Variants in ABCG1 observed in about 807,000 individuals in gnomAD.
ABCG1 encodes the protein ATP-binding cassette sub-family G member 1.
Under a neutral mutation model 69.2 loss-of-function variants are expected in ABCG1, and 29 were observed. The observed-to-expected ratio is 0.42, with a 90% CI of 0.31 to 0.57. The LOEUF is 0.57. Among genes scored for constraint, ABCG1 ranks in the 20% least tolerant of loss-of-function variants. The probability of loss-of-function intolerance (pLI) is 0.15; values close to 1 mark genes in which losing one functional copy is unlikely to be tolerated. For synonymous variants in ABCG1, 370 were observed against 374.8 expected, an observed-to-expected ratio of 0.99 and a Z score of 0.15; for missense variants, 718 against 898.1, an observed-to-expected ratio of 0.80 and a Z score of 2.56.
In ABCG1 at chr21:42,202,044, G is replaced by A. The variant is rs563013524; in HGVS notation, c.48+321G>A. Among the ~76,000 whole-genome samples, 5 of 152,156 alleles carry A rather than the reference G, an allele frequency of 3.3e-5. No homozygotes were observed. In the South Asian group the frequency reaches 6.2e-4, roughly 19 times the overall value. ...TCCATGCAGGGCGCAGTGTCCTGCT[G>A]AGTGTGCAGGTGCCTGTCCCTGCCC... On this transcript the variant is annotated intron_variant, in intron 2 of 15. Transcript: ENST00000398457.
intron 2 of ABCG1, among the ~76,000 whole-genome samples, chr21:42,234,860 G>A (rs553100522): frequency 6.6e-6 from 1 of 151,338 alleles, no homozygotes; most frequent in South Asian, 2.1e-4. Flanking sequence ...TGCAGCGCCC[G>A]CCCATCCGCC....
chr21:42,219,852 T>C lies in ABCG1; in HGVS notation c.42+548T>C. The C allele has an allele frequency of 6.6e-7, 1 of 1,521,564 alleles. No individual in the cohort carries two copies. The highest frequency in any genetic ancestry group is 8.8e-7 in the Non-Finnish European group (1 of 1,136,498). The allele number at this position is 1,521,564 out of a possible 1,614,324, so 94.3% of individuals were successfully genotyped here. A position where few individuals can be genotyped will look rare whatever the true frequency, so the allele number is the denominator to read the frequency against. On this transcript the variant is annotated intron_variant, in intron 1 of 14. Transcript: ENST00000398449. The surrounding 1 kb of genome is among the most constrained non-coding windows in gnomAD (Gnocchi z 5.3). ...CGACTGCACTCCCGGGGACACCCTC[T>C]CCCGGACCCACTCGGGGAGGCGGCG...
At chr21:42,264,435 ATCCG>A (rs2068467116) in intron 2 of ABCG1, among the ~76,000 whole-genome samples, 1 of 151,940 alleles carries the variant, frequency 6.6e-6, no homozygotes, top group South Asian at 2.1e-4. Flanking sequence ...CCATCCATCC[ATCCG>A]TCAATCTATC....
intron 14 of ABCG1, among the ~76,000 whole-genome samples, chr21:42,295,790 T>C (rs1434941570): frequency 6.6e-6 from 1 of 152,194 alleles, no homozygotes; most frequent in Non-Finnish European, 1.5e-5. Context: ...GAATGTTTCA[T>C]ATAAATGCTC....
At chr21:42,267,341 G>A (rs1206272858) in intron 2 of ABCG1, among the ~76,000 whole-genome samples, 5 of 152,070 alleles carry the variant, frequency 3.3e-5, no homozygotes, top group African/African-American at 7.3e-5. Flanking sequence ...TCTGGGTGTG[G>A]TCTGGGTTCT....
chr21:42,249,771 T>C (rs1392054527), intron 2 of ABCG1, among the ~76,000 whole-genome samples: 2 of 152,014 alleles, frequency 1.3e-5, no homozygotes, highest in African/African-American at 2.4e-5. Flanking sequence ...TTTGGGAGGC[T>C]GAGGCAGGCA....
chr21:42,208,874 T>G (rs2123469375), intron 2 of ABCG1, among the ~76,000 whole-genome samples: 1 of 152,348 alleles, frequency 6.6e-6, no homozygotes, highest in Admixed American at 6.5e-5. Context: ...TTTCCAGGCA[T>G]GCAGAAGATA....
chr21:42,264,253 T>G (rs1242662709), intron 2 of ABCG1, among the ~76,000 whole-genome samples: 1 of 152,230 alleles, frequency 6.6e-6, no homozygotes, highest in Admixed American at 6.5e-5. Flanking sequence ...GAATCTCTAA[T>G]GTTCTAAAAG....
intron 2 of ABCG1, among the ~76,000 whole-genome samples, chr21:42,264,413 C>A (rs1239082941): frequency 6.6e-6 from 1 of 152,174 alleles, no homozygotes; most frequent in East Asian, 1.9e-4. Context: ...ATCCATCCTT[C>A]CATCCATCTG....
chr21:42,206,443 T>C (rs1368208748), intron 2 of ABCG1, among the ~76,000 whole-genome samples: 1 of 152,188 alleles, frequency 6.6e-6, no homozygotes, highest in African/African-American at 2.4e-5. Flanking sequence ...TTTGTTGAGG[T>C]TTGCTCTGTG....
In ABCG1 at chr21:42,225,694, G is replaced by A. The variant is rs1196222027; in HGVS notation, c.66G>A (p.Glu22=). 3 of 1,613,172 alleles carry A rather than the reference G, an allele frequency of 1.9e-6. No individual in the cohort carries two copies. The highest frequency in any genetic ancestry group is 2.5e-6 in the Non-Finnish European group (3 of 1,179,906). ...AGAATGCCAGCAGTTACTCTGCAGA[G>A]ATGACGGAGCCCAAGTCGGTGTGTG... is the stretch of plus-strand genomic sequence containing the variant. The part of the protein sequence containing the change: ...TAMNASSYSA[E]MTEPKSVCVS... Residue 22 remains glutamate (E), a synonymous_variant, in exon 2 of 15, where the codon GAG becomes GAA. Transcript: ENST00000398449.
chr21:42,251,098 C>T (rs1601393457), intron 2 of ABCG1, among the ~76,000 whole-genome samples: 1 of 152,204 alleles, frequency 6.6e-6, no homozygotes, highest in East Asian at 1.9e-4. Flanking sequence ...AATACAGAGG[C>T]CCACGGTCGG....
intron 2 of ABCG1, among the ~76,000 whole-genome samples, chr21:42,231,848 C>T (rs567807184): frequency 2.0e-4 from 30 of 152,302 alleles, no homozygotes; most frequent in African/African-American, 7.2e-4. Context: ...TCTTGTGGGC[C>T]CACAGGACAT....
At chr21:42,268,243 G>A (rs979598062) in intron 2 of ABCG1, among the ~76,000 whole-genome samples, 1 of 152,220 alleles carries the variant, frequency 6.6e-6, no homozygotes, top group Non-Finnish European at 1.5e-5. Flanking sequence ...CAGAGCTCAG[G>A]GGTGGGAAAG....
chr21:42,273,350 A>T lies in ABCG1; in HGVS notation c.452A>T (p.Asp151Val). The change falls in exon 4 of 15, where the codon GAC becomes GTC. Residue 151 changes from aspartate to valine, a missense_variant. Asp to Val is a radical substitution (Grantham distance 152). Around this residue, in one of 2 missense-constraint regions of ABCG1, gnomAD observed 514 missense variants for 574.3 expected, o/e 0.90. Transcript: ENST00000398449. The surrounding 1 kb of genome is among the most constrained non-coding windows in gnomAD (Gnocchi z 5.3). ...GTCCTCATCAACGGCCTGCCCCGGG[A>T]CCTGCGCTGCTTCCGGAAGGTGTCC... ...GAVLINGLPR[D>V]LRCFRKVSCY... The T allele has an allele frequency of 6.2e-7, 1 of 1,613,734 alleles. No individual in the cohort carries two copies. Among genetic ancestry groups the T allele is most frequent in the Non-Finnish European group, 8.5e-7 (1 of 1,179,964 alleles).
At chr21:42,286,180 A>G in intron 8 of ABCG1, 186 bp downstream of exon 8, 1 of 557,732 alleles carries the variant, frequency 1.8e-6, no homozygotes, top group Admixed American at 3.1e-5. Flanking sequence ...CTCTAGGTAA[A>G]ATCATCTGGC....
At chr21:42,240,836 G>C (rs112766848) in intron 2 of ABCG1, among the ~76,000 whole-genome samples, 6 of 152,268 alleles carry the variant, frequency 3.9e-5, no homozygotes, top group Non-Finnish European at 5.9e-5. Flanking sequence ...TGCCAGCCAG[G>C]TCTCATGACC....
At chr21:42,248,423 G>T (rs902415353) in intron 2 of ABCG1, among the ~76,000 whole-genome samples, 3 of 150,610 alleles carry the variant, frequency 2.0e-5, no homozygotes, top group African/African-American at 7.3e-5. Flanking sequence ...CACCACCCGT[G>T]GGGGGTGCAG....
In ABCG1 at chr21:42,294,593, G is replaced by A; in HGVS notation, c.1705G>A (p.Gly569Arg). 1 of 1,614,218 alleles carries A rather than the reference G, an allele frequency of 6.2e-7. No individual in the cohort carries two copies. The highest frequency in any genetic ancestry group is 8.5e-7 in the Non-Finnish European group (1 of 1,180,036). The change falls in exon 14 of 15, where the codon GGG becomes AGG. Residue 569 changes from glycine (G) to arginine (R), a missense_variant. Physicochemically the swap from Gly to Arg is moderately radical, Grantham distance 125 (BLOSUM62 -2). Coordinates refer to ENST00000398449, the MANE Select transcript of ABCG1 (RefSeq NM_016818.3). ...VTAIPVLLFS[G>R]FFVSFDTIPT... is the part of the protein sequence containing the mutation. ...AGCCATCCCGGTGCTCCTGTTCTCGGGGTTCTTCGTCAGCTTCGACACCAT... is the reference window on the plus strand; with the variant it reads ...AGCCATCCCGGTGCTCCTGTTCTCGAGGTTCTTCGTCAGCTTCGACACCAT...
Sources: gnomAD v4.1 joint callset for allele counts (sites outside exome capture counted in the v4.1 genomes callset) on GRCh38, gnomAD v4.1.1 for gene constraint, gnomAD v4.1.1 regional missense constraint, Gnocchi (gnomAD v3.1) non-coding constraint, MANE v1.5 for transcripts, NCBI Gene and HGNC (gene_info 2026-07-23, HGNC 2026-07-21) for gene names.